The following LRRC15 variants were observed in gnomAD, a reference collection of about 807,000 sequenced individuals.
LRRC15 encodes the protein leucine rich repeat containing 15.
A neutral mutation model predicts 4.3 loss-of-function variants in LRRC15; 5 were observed. The observed-to-expected ratio is 1.16, with a 90% CI of 0.61 to 2.44. LRRC15 has a LOEUF of 2.44. Ranked by LOEUF, LRRC15 falls within the 30% of genes most tolerant of loss-of-function variation. The pLI, the probability that LRRC15 is intolerant of heterozygous loss-of-function variation, is 0.01. For missense variants in LRRC15, 769 were observed against 747.0 expected, an observed-to-expected ratio of 1.03 and a Z score of -0.34; for synonymous variants, 337 against 323.2, an observed-to-expected ratio of 1.04 and a Z score of -0.46.
intron 1 of LRRC15, among the ~76,000 whole-genome samples, chr3:194,369,150 C>T (rs891940956): frequency 2.6e-5 from 4 of 152,250 alleles, no homozygotes; most frequent in African/African-American, 9.6e-5. Context: ...GCTCTCTTGC[C>T]TGGGAAACCC....
intron 1 of LRRC15, among the ~76,000 whole-genome samples, chr3:194,364,908 AG>A (rs1171803823): frequency 1.3e-5 from 2 of 152,128 alleles, no homozygotes; most frequent in African/African-American, 4.8e-5. Flanking sequence ...CCCGCAGGGG[AG>A]GGAGGGGCCA....
rs1023776052 is a variant in LRRC15 at position 194,360,941 on chromosome 3, A to C, written c.103T>G (p.Ser35Ala). ...CPSECTCSRA[S>A]QVECTGARIV... ...CGTGCCCCGGTGCACTCCACCTGGGAGGCCCTGGAGCAGGTACACTCGCTA... is the reference window on the plus strand; with the variant it reads ...CGTGCCCCGGTGCACTCCACCTGGGCGGCCCTGGAGCAGGTACACTCGCTA... Residue 35 changes from serine to alanine, a missense_variant, in exon 2 of 2, where the codon TCC becomes GCC. By Grantham distance (99) the Ser-to-Ala change is moderately conservative. Coordinates refer to ENST00000347624, the MANE Select transcript of LRRC15 (RefSeq NM_130830.5). The C allele has an allele frequency of 1.1e-5, 17 of 1,591,840 alleles. No homozygotes were observed. Among genetic ancestry groups the C allele is most frequent in the Non-Finnish European group, 1.4e-5 (16 of 1,170,908 alleles).
At position 194,360,993 on chromosome 3, in the gene LRRC15, ACCC is replaced by A; in HGVS notation, c.48_50del (p.Trp16_Gly17delinsCys). ...GGCAGCCATGGTAGGCCAACCCTGC[ACCC>A]CAGGCTTGGCAGCCCACCAGCAAAA... is the stretch of plus-strand genomic sequence containing the variant. On this transcript the variant is annotated inframe_deletion, in exon 2 of 2. Coordinates refer to ENST00000347624, the MANE Select transcript of LRRC15 (RefSeq NM_130830.5). 1 of 1,532,040 alleles carries A rather than the reference ACCC, an allele frequency of 6.5e-7. No homozygotes were observed. Among genetic ancestry groups the A allele is most frequent in the Non-Finnish European group, 8.7e-7 (1 of 1,146,732 alleles). The allele number at this position is 1,532,040 out of a possible 1,614,324, so 94.9% of individuals were successfully genotyped here. A position where few individuals can be genotyped will look rare whatever the true frequency, so the allele number is the denominator to read the frequency against.
At chr3:194,361,464 CT>C (rs1713627438) in intron 1 of LRRC15, among the ~76,000 whole-genome samples, 1 of 152,218 alleles carries the variant, frequency 6.6e-6, no homozygotes, top group South Asian at 2.1e-4. Flanking sequence ...AGTCAATAAG[CT>C]TTCCACGGAC....
chr3:194,361,487 C>T (rs1713627735), intron 1 of LRRC15, among the ~76,000 whole-genome samples: 1 of 152,238 alleles, frequency 6.6e-6, no homozygotes, highest in Non-Finnish European at 1.5e-5. Context: ...GGGAGTCCAT[C>T]TTTCATCCCT....
In LRRC15 at chr3:194,356,994, G is replaced by A. The variant is rs1452504681; in HGVS notation, c.*2304C>T. On this transcript the variant is annotated 3_prime_UTR_variant, in exon 2 of 2. Coordinates refer to ENST00000347624, the MANE Select transcript of LRRC15 (RefSeq NM_130830.5). ...CTTCCTGTTGGCTCTGGCAAGCCTT[G>A]GTGCATGTCCTCCAGGTGCCACCAA... is the stretch of plus-strand genomic sequence containing the variant. 6.6e-6 allele frequency: 1 copy of A among 152,298 alleles called. No homozygotes were observed. Among genetic ancestry groups the A allele is most frequent in the Non-Finnish European group, 1.5e-5 (1 of 68,082 alleles). 9.4% of individuals were successfully genotyped at this position (152,298 alleles called of 1,614,324 possible). A position where few individuals can be genotyped will look rare whatever the true frequency, so the allele number is the denominator to read the frequency against.
intron 1 of LRRC15, chr3:194,363,341 A>G (rs745376734): frequency 1.4e-6 from 1 of 714,420 alleles, no homozygotes; most frequent in South Asian, 1.5e-5. Flanking sequence ...GGAAACAAGA[A>G]AGGAAAAAGA....
chr3:194,361,074 G>A, intron 1 of LRRC15, 28 bp from the exon 2 acceptor site: 1 of 1,481,132 alleles, frequency 6.8e-7, no homozygotes, highest in Admixed American at 2.4e-5. Flanking sequence ...GCACACGTTA[G>A]TCAGGGTCCT....
Position 194,360,692 on chromosome 3 carries a change from TG to T in LRRC15, c.351del (p.Ile118SerfsTer56), listed in dbSNP as rs1713598004. On this transcript the variant is annotated frameshift_variant, in exon 2 of 2. Transcript: ENST00000347624. LOFTEE classifies it low-confidence loss of function (END_TRUNC). The stretch of plus-strand genomic sequence containing the variant: ...CTGTCCAGGCCCTGGAAGAGGCCGA[TG>T]GGCAGAACCTGCAGCTTGTTGTTGG... ...SLANNKLQVL[P>X]IGLFQGLDSL... is the part of the protein sequence containing the mutation. 4 of 1,614,052 alleles carry T rather than the reference TG, an allele frequency of 2.5e-6. No homozygotes were observed.
chr3:194,358,964 G>A lies in LRRC15; in HGVS notation c.*334C>T, dbSNP rs975523458. On this transcript the variant is annotated 3_prime_UTR_variant, in exon 2 of 2. Coordinates refer to ENST00000347624, the MANE Select transcript of LRRC15 (RefSeq NM_130830.5). ...TAACTGAGTCTACAGAGGCCCGGAGGGGGCCTGGGCGCAGGGAAGGCTGTT... is the reference window on the plus strand; with the variant it reads ...TAACTGAGTCTACAGAGGCCCGGAGAGGGCCTGGGCGCAGGGAAGGCTGTT... 4.1e-6 allele frequency: 1 copy of A among 244,632 alleles called. No homozygotes were observed. The highest frequency in any genetic ancestry group is 2.2e-5 in the African/African-American group (1 of 44,724). 15.2% of individuals were successfully genotyped at this position (244,632 alleles called of 1,614,324 possible).
chr3:194,364,311 AGT>A (rs1212761253), intron 1 of LRRC15, among the ~76,000 whole-genome samples: 2 of 152,008 alleles, frequency 1.3e-5, no homozygotes, highest in Non-Finnish European at 2.9e-5. Context: ...CTTTGGTGTA[AGT>A]GTACGTGAGA....
chr3:194,360,896 G>T lies in LRRC15; in HGVS notation c.148C>A (p.Pro50Thr). The stretch of plus-strand genomic sequence containing the variant: ...AGGCTCATGGCGTTCCAGGGCAGAG[G>T]GGTGGGCACTGCCACAATGCGTGCC... The part of the protein sequence containing the change: ...TGARIVAVPT[P>T]LPWNAMSLQI... Residue 50 changes from proline (P) to threonine (T), a missense_variant, in exon 2 of 2, where the codon CCT (proline) becomes ACT (threonine). By Grantham distance (38) the Pro-to-Thr change is conservative. Transcript: ENST00000347624. The T allele has an allele frequency of 6.2e-7, 1 of 1,606,410 alleles. No homozygotes were observed. Among genetic ancestry groups the T allele is most frequent in the East Asian group, 2.2e-5 (1 of 44,758 alleles).
At chr3:194,363,416 A>G in intron 1 of LRRC15, 1 of 691,716 alleles carries the variant, frequency 1.4e-6, no homozygotes, top group East Asian at 2.7e-5. Context: ...GACACATCTG[A>G]AAAAAAGTAA....
intron 1 of LRRC15, among the ~76,000 whole-genome samples, chr3:194,369,197 GC>G (rs1713871786): frequency 6.6e-6 from 1 of 152,260 alleles, no homozygotes; most frequent in East Asian, 1.9e-4. Flanking sequence ...CAAATGCGGG[GC>G]AGACCACTGG....
rs368300037 is a variant in LRRC15, at chr3:194,360,702, C to T, written c.342G>A (p.Gln114=). Residue 114 remains glutamine (Q), a synonymous_variant, in exon 2 of 2, where the codon CAG becomes CAA. Coordinates refer to ENST00000347624, the MANE Select transcript of LRRC15 (RefSeq NM_130830.5). ...CCTGGAAGAGGCCGATGGGCAGAAC[C>T]TGCAGCTTGTTGTTGGCGAGGCTGA... ...RYLSLANNKL[Q]VLPIGLFQGL... is the part of the protein sequence containing the mutation. The T allele has an allele frequency of 8.7e-6, 14 of 1,614,084 alleles. No individual in the cohort carries two copies. In the African/African-American group the frequency reaches 1.9e-4, roughly 22 times the overall value.
Position 194,359,388 on chromosome 3 carries a change from G to A in LRRC15, c.1656C>T (p.Ala552=). 3 of 1,614,200 alleles carry A rather than the reference G, an allele frequency of 1.9e-6. No homozygotes were observed. The highest frequency in any genetic ancestry group is 1.7e-6 in the Non-Finnish European group (2 of 1,180,046). The change falls in exon 2 of 2, where the codon GCC becomes GCT. Residue 552 remains alanine, a synonymous_variant. Transcript: ENST00000347624. ...AGCCGACGCAGGCAGCCAGGGAGCAGGCCAGGGCGACAATGCCAATTACAA... is the reference window on the plus strand; with the variant it reads ...AGCCGACGCAGGCAGCCAGGGAGCAAGCCAGGGCGACAATGCCAATTACAA... ...AAIVIGIVAL[A]CSLAACVGCC... is the part of the protein sequence containing the mutation.
At position 194,359,216 on chromosome 3, in the gene LRRC15, G is replaced by C; in HGVS notation, c.*82C>G. On this transcript the variant is annotated 3_prime_UTR_variant, in exon 2 of 2. Coordinates refer to ENST00000347624, the MANE Select transcript of LRRC15 (RefSeq NM_130830.5). ...AAGAGCAATCACGGGAAAGCTCCAT[G>C]GACCCAGGGGTGGAGGCAGAAAGAT... 1 of 1,330,358 alleles carries C rather than the reference G, an allele frequency of 7.5e-7. No homozygotes were observed. The highest frequency in any genetic ancestry group is 1.0e-6 in the Non-Finnish European group (1 of 972,038). 82.4% of individuals were successfully genotyped at this position (1,330,358 alleles called of 1,614,324 possible). A position where few individuals can be genotyped will look rare whatever the true frequency, so the allele number is the denominator to read the frequency against.
rs573545931 is a variant in LRRC15 at position 194,359,140 on chromosome 3, G to A, written c.*158C>T. ...TCCGGCACGACCTGCTTCTCTACGG[G>A]AGAATCAGGCAAGTCAGGAAGAGGT... On this transcript the variant is annotated 3_prime_UTR_variant, in exon 2 of 2. Transcript: ENST00000347624. 2.0e-5 allele frequency: 13 copies of A among 653,954 alleles called. No individual in the cohort carries two copies. The highest frequency in any genetic ancestry group is 1.1e-4 in the East Asian group (4 of 35,854). 40.5% of individuals were successfully genotyped at this position (653,954 alleles called of 1,614,324 possible). A position where few individuals can be genotyped will look rare whatever the true frequency, so the allele number is the denominator to read the frequency against.
At chr3:194,367,143 T>C (rs1713805476) in intron 1 of LRRC15, among the ~76,000 whole-genome samples, 1 of 152,054 alleles carries the variant, frequency 6.6e-6, no homozygotes, top group African/African-American at 2.4e-5. Flanking sequence ...CTGATGCTGG[T>C]GTTTGTTCAA....
Sources: gnomAD v4.1 joint callset for allele counts (sites outside exome capture counted in the v4.1 genomes callset) on GRCh38, gnomAD v4.1.1 for gene constraint, MANE v1.5 for transcripts, NCBI Gene and HGNC (gene_info 2026-07-23, HGNC 2026-07-21) for gene names.